COX10: variants seen among roughly 807,000 people sequenced by gnomAD.
The protein encoded by COX10 is protoheme IX farnesyltransferase, mitochondrial.
COX10 carries 27 observed loss-of-function variants against 37.3 expected under a neutral mutation model. The ratio of observed to expected loss-of-function variants is 0.72; its 90% CI spans 0.53 to 1.00. The LOEUF is 1.00. Among genes scored for constraint, COX10 ranks in the 50% least tolerant of loss-of-function variants. The pLI, the probability that COX10 is intolerant of heterozygous loss-of-function variation, is 0.00. For missense variants in COX10, 475 were observed against 563.2 expected (o/e 0.84, Z 1.59); for synonymous variants, 222 against 229.1 (o/e 0.97, Z 0.28).
chr17:14,184,451 A>T (rs1340404131), intron 5 of COX10, among the ~76,000 whole-genome samples: 1 of 152,218 alleles, frequency 6.6e-6, no homozygotes, highest in Non-Finnish European at 1.5e-5. Flanking sequence ...AAAAATCCCA[A>T]CAGATGGAAT....
intron 6 of COX10, among the ~76,000 whole-genome samples, chr17:14,193,504 G>A (rs563629715): frequency 9.7e-4 from 145 of 149,370 alleles, no homozygotes; most frequent in African/African-American, 3.3e-3. Context: ...TTTGTAAGCT[G>A]AGCGATGCAG....
At chr17:14,093,230 G>A (rs1915567065) in intron 3 of COX10, among the ~76,000 whole-genome samples, 1 of 151,924 alleles carries the variant, frequency 6.6e-6, no homozygotes, top group Non-Finnish European at 1.5e-5. Context: ...TTGATTTTTT[G>A]GACTTTTGTT....
At chr17:14,112,061 T>C (rs548342154) in intron 4 of COX10, among the ~76,000 whole-genome samples, 159 of 152,262 alleles carry the variant, frequency 1.0e-3, no homozygotes, top group Non-Finnish European at 1.9e-3. Flanking sequence ...GAAGAGTGTA[T>C]TTGAGTGAGC....
At chr17:14,169,311 A>C (rs1315360183) in intron 5 of COX10, among the ~76,000 whole-genome samples, 6 of 152,156 alleles carry the variant, frequency 3.9e-5, no homozygotes, top group South Asian at 4.1e-4. Context: ...CATTGTCTGT[A>C]TCACTATGAG....
intron 5 of COX10, chr17:14,182,010 T>TC (rs1292362819): frequency 3.0e-6 from 3 of 984,498 alleles, no homozygotes; most frequent in Admixed American, 6.2e-5. Flanking sequence ...TTTTCTTTTT[T>TC]TTTTTTACAG....
chr17:14,140,882 GAATT>G (rs1904519753), intron 4 of COX10, among the ~76,000 whole-genome samples: 2 of 152,006 alleles, frequency 1.3e-5, no homozygotes, highest in African/African-American at 4.8e-5. Context: ...GCTTTTAACA[GAATT>G]AATAAGTCAT....
chr17:14,148,046 G>C lies in COX10; in HGVS notation c.625-11831G>C, dbSNP rs953899086. ...TAAGTTTCTGAGTGTTTTACTTGTAGGATGTGGTACTTTGCCTCTGATAAG... is the reference window on the plus strand; with the variant it reads ...TAAGTTTCTGAGTGTTTTACTTGTACGATGTGGTACTTTGCCTCTGATAAG... On this transcript the variant is annotated intron_variant, in intron 4 of 6. Coordinates refer to ENST00000261643, the MANE Select transcript of COX10 (RefSeq NM_001303.4). Among the ~76,000 whole-genome samples the C allele has an allele frequency of 2.0e-5, 3 of 151,844 alleles. No homozygotes were observed. The East Asian group carries it at 5.8e-4, about 29-fold the overall frequency.
At chr17:14,097,080 G>A (rs1219316493) in intron 3 of COX10, among the ~76,000 whole-genome samples, 1 of 152,062 alleles carries the variant, frequency 6.6e-6, no homozygotes, top group East Asian at 1.9e-4. Context: ...TATAATTTCA[G>A]GTATTATTAA....
At chr17:14,119,746 C>G (rs1916190696) in intron 4 of COX10, among the ~76,000 whole-genome samples, 1 of 152,042 alleles carries the variant, frequency 6.6e-6, no homozygotes, top group Non-Finnish European at 1.5e-5. Context: ...ACTGAGAGCC[C>G]TGTGATGAGA....
chr17:14,074,757 C>T (rs1427201475), intron 2 of COX10, among the ~76,000 whole-genome samples: 1 of 152,204 alleles, frequency 6.6e-6, no homozygotes, highest in Non-Finnish European at 1.5e-5. Flanking sequence ...TGTTGTGATA[C>T]ATCTTTTAAA....
chr17:14,142,192 T>C (rs1904566934), intron 4 of COX10, among the ~76,000 whole-genome samples: 1 of 152,220 alleles, frequency 6.6e-6, no homozygotes, highest in Admixed American at 6.6e-5. Flanking sequence ...CTTTTCTTTT[T>C]GGAAGTATTT....
At chr17:14,192,723 A>G (rs1906244082) in intron 6 of COX10, among the ~76,000 whole-genome samples, 1 of 152,006 alleles carries the variant, frequency 6.6e-6, no homozygotes, top group African/African-American at 2.4e-5. Flanking sequence ...TGTCTATAGT[A>G]AAACTATTGA....
At chr17:14,079,382 G>C (rs185928122) in intron 3 of COX10, among the ~76,000 whole-genome samples, 2 of 152,200 alleles carry the variant, frequency 1.3e-5, no homozygotes, top group African/African-American at 4.8e-5. Flanking sequence ...GTAGAGGGAA[G>C]AGTCTTTGCA....
Position 14,161,460 on chromosome 17 carries a change from G to T in COX10, c.695+1513G>T, listed in dbSNP as rs188391669. On this transcript the variant is annotated intron_variant, in intron 5 of 6. Transcript: ENST00000261643. Reference sequence around the variant, plus strand: ...CAGGTTAACAAGGGGTGAACTTGTGGACTTAATTATAGGTGTCAGCTTGAC... The same window carrying T: ...CAGGTTAACAAGGGGTGAACTTGTGTACTTAATTATAGGTGTCAGCTTGAC... Among the ~76,000 whole-genome samples, 158 of 152,292 alleles carry T rather than the reference G, an allele frequency of 1.0e-3. 1 individual carries two copies. Among genetic ancestry groups the T allele is most frequent in the African/African-American group, 3.7e-3 (154 of 41,540 alleles).
intron 1 of COX10, 142 bp downstream of exon 1, chr17:14,069,790 C>T: frequency 1.0e-6 from 1 of 987,548 alleles, no homozygotes. Context: ...GAAATGACCT[C>T]TGGAGTAGCT....
intron 5 of COX10, among the ~76,000 whole-genome samples, chr17:14,183,274 G>A (rs887753065): frequency 9.9e-5 from 15 of 151,832 alleles, no homozygotes; most frequent in South Asian, 4.2e-4. Flanking sequence ...ATTTGCATGC[G>A]TGAGTGAATG....
chr17:14,138,051 T>G (rs1318405628), intron 4 of COX10, among the ~76,000 whole-genome samples: 6 of 151,876 alleles, frequency 4.0e-5, no homozygotes, highest in Non-Finnish European at 8.8e-5. Context: ...CTTTGAAATA[T>G]TTCATAATGT....
At chr17:14,151,561 ACACACAC>A in intron 4 of COX10, among the ~76,000 whole-genome samples, 1 of 149,986 alleles carries the variant, frequency 6.7e-6, no homozygotes, top group African/African-American at 2.5e-5. Flanking sequence ...ACACACACAC[ACACACAC>A]ACACACGAGA....
At chr17:14,102,094 G>C in intron 3 of COX10, 24 bp from the exon 4 acceptor site, 1 of 1,613,352 alleles carries the variant, frequency 6.2e-7, no homozygotes, top group Admixed American at 1.7e-5. Flanking sequence ...GTAACAGTGT[G>C]TCTGCTCTGT....
Sources: gnomAD v4.1 joint callset for allele counts (sites outside exome capture counted in the v4.1 genomes callset) on GRCh38, gnomAD v4.1.1 for gene constraint, MANE v1.5 for transcripts, NCBI Gene and HGNC (gene_info 2026-07-23, HGNC 2026-07-21) for gene names.